The following TTLL5 variants were observed in gnomAD, a reference collection of about 807,000 sequenced individuals.
The protein encoded by TTLL5 is tubulin polyglutamylase TTLL5.
In TTLL5, 132 loss-of-function variants were observed where a neutral mutation model predicts 168.4. The ratio of observed to expected loss-of-function variants is 0.78; its 90% CI spans 0.68 to 0.91. The LOEUF is 0.91. Ranked by LOEUF, TTLL5 falls within the 40% of genes least tolerant of loss-of-function variation. The pLI is 0.00. For synonymous variants in TTLL5, 546 were observed against 558.6 expected (o/e 0.98, Z 0.32); for missense variants, 1,545 against 1,581.5 (o/e 0.98, Z 0.39).
intron 12 of TTLL5, among the ~76,000 whole-genome samples, chr14:75,724,013 GTTGT>G (rs1482914390): frequency 6.8e-6 from 1 of 146,602 alleles, no homozygotes; most frequent in Non-Finnish European, 1.5e-5. Flanking sequence ...GAATAAGCTA[GTTGT>G]TTTTTTTTTT....
intron 9 of TTLL5, among the ~76,000 whole-genome samples, chr14:75,709,006 CTT>C (rs1886855169): frequency 1.3e-5 from 2 of 152,128 alleles, no homozygotes. Context: ...TTTTGAGAAA[CTT>C]TATAAATTTG....
At chr14:75,949,341 G>A (rs998369096) in intron 31 of TTLL5, among the ~76,000 whole-genome samples, 4 of 147,976 alleles carry the variant, frequency 2.7e-5, no homozygotes, top group Non-Finnish European at 4.5e-5. Flanking sequence ...ACCAAGAGAC[G>A]CTTTAAGAAT....
In TTLL5 at chr14:75,795,796, A is replaced by G. The variant is rs575836530; in HGVS notation, c.3171+2696A>G. On this transcript the variant is annotated intron_variant, in intron 27 of 31. Coordinates refer to ENST00000298832, the MANE Select transcript of TTLL5 (RefSeq NM_015072.5). ...ATGAGTAGTAGTCCATGGTGTATAT[A>G]TATACACACCACATTTTCTTTATCT... Among the ~76,000 whole-genome samples the G allele has an allele frequency of 1.7e-4, 26 of 152,180 alleles. No homozygotes were observed. In the South Asian group the frequency reaches 3.5e-3, roughly 21 times the overall value.
chr14:75,664,141 G>C (rs547410249), intron 2 of TTLL5, among the ~76,000 whole-genome samples: 1 of 151,736 alleles, frequency 6.6e-6, no homozygotes, highest in African/African-American at 2.4e-5. Context: ...GACGATAAAG[G>C]CTTTATCTCA....
intron 2 of TTLL5, 57 bp from the exon 3 acceptor site, chr14:75,669,359 C>G (rs1187312584): frequency 4.1e-6 from 6 of 1,479,584 alleles, no homozygotes; most frequent in Non-Finnish European, 5.6e-6. Flanking sequence ...TAATCTGCAT[C>G]AGCAGTTAGT....
chr14:75,924,979 C>T lies in TTLL5; in HGVS notation c.3823+22755C>T, dbSNP rs552090230. On this transcript the variant is annotated intron_variant, in intron 31 of 31. Coordinates refer to ENST00000298832, the MANE Select transcript of TTLL5 (RefSeq NM_015072.5). ...GCGGAGGGCCGACCCCCCCACCTCA[C>T]TCCCGGACGGGGCGGCAGGCCGGGC... Among the ~76,000 whole-genome samples the T allele has an allele frequency of 6.4e-3, 949 of 148,744 alleles. 33 individuals carry two copies. The highest frequency in any genetic ancestry group is 0.022 in the African/African-American group (872 of 39,540).
At chr14:75,749,269 A>G (rs891111808) in intron 17 of TTLL5, among the ~76,000 whole-genome samples, 1 of 152,162 alleles carries the variant, frequency 6.6e-6, no homozygotes, top group African/African-American at 2.4e-5. Flanking sequence ...CCTTACTTTG[A>G]GTATCTTTTT....
At chr14:75,800,555 A>G (rs1160895963) in intron 27 of TTLL5, among the ~76,000 whole-genome samples, 4 of 152,158 alleles carry the variant, frequency 2.6e-5, no homozygotes, top group Non-Finnish European at 4.4e-5. Flanking sequence ...TTGCCTTGTC[A>G]TATTACCAGA....
At chr14:75,781,957 CAAAAAAAA>C (rs11350842) in intron 24 of TTLL5, among the ~76,000 whole-genome samples, 7 of 69,452 alleles carry the variant, frequency 1.0e-4, no homozygotes, top group African/African-American at 2.6e-4. Context: ...AAACTTTGTT[CAAAAAAAA>C]AAAAAAAAAA....
chr14:75,918,515 G>A (rs903196900), intron 31 of TTLL5, among the ~76,000 whole-genome samples: 1 of 151,962 alleles, frequency 6.6e-6, no homozygotes, highest in African/African-American at 2.4e-5. Flanking sequence ...TGGAGTTGGG[G>A]GTCCCTATTA....
intron 28 of TTLL5, among the ~76,000 whole-genome samples, chr14:75,852,146 T>C (rs1896888650): frequency 6.6e-6 from 1 of 152,164 alleles, no homozygotes. Context: ...ATCTGAACCT[T>C]GCAGGCTTGC....
chr14:75,900,206 G>A (rs997027524), intron 30 of TTLL5, among the ~76,000 whole-genome samples: 1 of 152,146 alleles, frequency 6.6e-6, no homozygotes, highest in African/African-American at 2.4e-5. Context: ...GGCTGTCCAA[G>A]GCCGAGGCTG....
At chr14:75,847,141 A>C (rs1041734245) in intron 28 of TTLL5, among the ~76,000 whole-genome samples, 25 of 151,956 alleles carry the variant, frequency 1.6e-4, no homozygotes, top group Non-Finnish European at 2.6e-4. Flanking sequence ...AGCTGGGATT[A>C]TAGGTGCCCA....
intron 6 of TTLL5, 135 bp downstream of exon 6, chr14:75,690,457 G>T (rs1235844616): frequency 8.9e-7 from 1 of 1,124,392 alleles, no homozygotes; most frequent in Non-Finnish European, 1.2e-6. Context: ...TAGTAAAACA[G>T]TTGCAGAGGT....
At chr14:75,711,092 A>G (rs147803240) in intron 9 of TTLL5, 1 of 152,138 alleles carries the variant, frequency 6.6e-6, no homozygotes, top group East Asian at 1.9e-4. Flanking sequence ...TGAAAACCCT[A>G]GTTTCTGTAT....
At chr14:75,915,320 G>T (rs989024368) in intron 31 of TTLL5, among the ~76,000 whole-genome samples, 1 of 152,178 alleles carries the variant, frequency 6.6e-6, no homozygotes, top group South Asian at 2.1e-4. Flanking sequence ...GGAGTCATAT[G>T]TTACACTTTA....
chr14:75,898,816 G>A (rs1383073846), intron 30 of TTLL5, among the ~76,000 whole-genome samples: 4 of 152,104 alleles, frequency 2.6e-5, no homozygotes, highest in African/African-American at 4.8e-5. Context: ...CAAATGTGGC[G>A]TCTCTTCCTA....
At chr14:75,748,310 A>G (rs1436141615) in intron 17 of TTLL5, among the ~76,000 whole-genome samples, 3 of 146,460 alleles carry the variant, frequency 2.0e-5, no homozygotes, top group African/African-American at 5.0e-5. Context: ...GACATGTTCT[A>G]TGTATTTTTG....
chr14:75,765,293 G>A (rs368604662), intron 19 of TTLL5, among the ~76,000 whole-genome samples: 5 of 152,090 alleles, frequency 3.3e-5, no homozygotes, highest in East Asian at 1.9e-4. Context: ...CTGAGGTTTT[G>A]CTGGTAAATA....
Sources: allele counts gnomAD v4.1 joint callset (sites outside exome capture counted in the v4.1 genomes callset), GRCh38; gene constraint gnomAD v4.1.1; transcripts MANE v1.5; gene names NCBI Gene and HGNC (gene_info 2026-07-23, HGNC 2026-07-21).